The following CRY1 variants were observed in gnomAD, a reference collection of about 807,000 sequenced individuals.
CRY1 encodes cryptochrome-1.
A neutral mutation model predicts 76.0 loss-of-function variants in CRY1; 45 were observed. That is an observed-to-expected ratio of 0.59 (90% confidence interval 0.47 to 0.76). The LOEUF (loss-of-function observed/expected upper bound fraction) is 0.76, where lower values mean the gene tolerates loss of function less well. Ranked by LOEUF, CRY1 falls within the 30% of genes least tolerant of loss-of-function variation. The pLI is 0.00. For missense variants in CRY1, 587 were observed against 716.4 expected (o/e 0.82, Z 2.06); for synonymous variants, 248 against 244.0 (o/e 1.02, Z -0.15).
intron 1 of CRY1, among the ~76,000 whole-genome samples, chr12:107,082,354 A>G (rs1021081533): frequency 6.6e-6 from 1 of 152,152 alleles, no homozygotes; most frequent in South Asian, 2.1e-4. Context: ...GACCTAGTAG[A>G]CATCTACAGA....
At chr12:107,004,993 T>C in intron 3 of CRY1, 113 bp downstream of exon 3, 1 of 926,120 alleles carries the variant, frequency 1.1e-6, no homozygotes, top group South Asian at 2.1e-5. Context: ...AAACCTCAGT[T>C]AAAAACTTAT....
chr12:107,020,794 T>C (rs1952547758), intron 2 of CRY1, among the ~76,000 whole-genome samples: 2 of 152,084 alleles, frequency 1.3e-5, no homozygotes, highest in African/African-American at 4.8e-5. Context: ...CAGTAATAAA[T>C]AGGAAGGGAT....
At chr12:107,005,084 T>G (rs778676992) in intron 3 of CRY1, 22 bp downstream of exon 3, 1 of 1,446,424 alleles carries the variant, frequency 6.9e-7, no homozygotes, top group Non-Finnish European at 9.4e-7. Flanking sequence ...TTTCCCACAG[T>G]AAAAAAAAAA....
rs1358673065 is a variant in CRY1 at position 107,009,604 on chromosome 12, A to ATC, written c.268-4357_268-4356insGA. Among the ~76,000 whole-genome samples, 29 of 29,434 alleles carry ATC rather than the reference A, an allele frequency of 9.9e-4. No homozygotes were observed. In the East Asian group the frequency reaches 0.14, roughly 147 times the overall value. 19.3% of individuals were successfully genotyped at this position (29,434 alleles called of 152,430 possible). A position where few individuals can be genotyped will look rare whatever the true frequency, so the allele number is the denominator to read the frequency against. On this transcript the variant is annotated intron_variant, in intron 2 of 12. Coordinates refer to ENST00000008527, the MANE Select transcript of CRY1 (RefSeq NM_004075.5). ...TATATATATATATATATATATATAA[A>ATC]ATCTCTATATCTCCAGGTTCACGGT...
chr12:107,037,581 T>C (rs1952749739), intron 1 of CRY1, among the ~76,000 whole-genome samples: 1 of 152,096 alleles, frequency 6.6e-6, no homozygotes, highest in Non-Finnish European at 1.5e-5. Flanking sequence ...GTCAATCACA[T>C]GTGTCCGTGT....
At chr12:106,996,846 C>T (rs1021270646) in intron 10 of CRY1, among the ~76,000 whole-genome samples, 9 of 152,118 alleles carry the variant, frequency 5.9e-5, no homozygotes, top group Admixed American at 2.0e-4. Context: ...TACTACAGAC[C>T]AGACTTTATA....
chr12:107,030,901 C>A (rs1409272055), intron 1 of CRY1, among the ~76,000 whole-genome samples: 1 of 152,012 alleles, frequency 6.6e-6, no homozygotes, highest in African/African-American at 2.4e-5. Flanking sequence ...AGTATGTATG[C>A]TTAAATCACA....
Position 107,035,707 on chromosome 12 carries a change from T to A in CRY1, c.159-13515A>T, listed in dbSNP as rs192601348. Among the ~76,000 whole-genome samples, 271 of 152,310 alleles carry A rather than the reference T, an allele frequency of 1.8e-3. 1 individual carries two copies. Among genetic ancestry groups the A allele is most frequent in the Admixed American group, 2.7e-3 (42 of 15,294 alleles). ...ATACAGTATTTCAGTGCTGATAATT[T>A]TTATGGAGAAAACTAAAATAGAGTA... On this transcript the variant is annotated intron_variant, in intron 1 of 12. Transcript: ENST00000008527.
At chr12:107,089,503 C>CT (rs77964218) in intron 1 of CRY1, among the ~76,000 whole-genome samples, 19 of 147,308 alleles carry the variant, frequency 1.3e-4, no homozygotes, top group Admixed American at 4.8e-4. Flanking sequence ...CTCTGCCAAA[C>CT]TTTTTTTTTT....
chr12:107,014,136 T>C (rs1250959809), intron 2 of CRY1, among the ~76,000 whole-genome samples: 1 of 152,138 alleles, frequency 6.6e-6, no homozygotes, highest in Non-Finnish European at 1.5e-5. Context: ...ACACACAACC[T>C]TCCCTGTAAA....
intron 1 of CRY1, among the ~76,000 whole-genome samples, chr12:107,024,251 C>A (rs1036113844): frequency 9.9e-5 from 15 of 152,090 alleles, no homozygotes; most frequent in African/African-American, 3.6e-4. Flanking sequence ...CAAAACAATT[C>A]TATGTGGTGC....
intron 1 of CRY1, among the ~76,000 whole-genome samples, chr12:107,031,370 CTTT>C (rs1190940981): frequency 8.2e-5 from 11 of 134,848 alleles, no homozygotes; most frequent in Admixed American, 7.5e-5. Flanking sequence ...AGACATAAAT[CTTT>C]TTTTTTTTTT....
At chr12:107,084,064 T>A (rs182727081) in intron 1 of CRY1, among the ~76,000 whole-genome samples, 4 of 152,158 alleles carry the variant, frequency 2.6e-5, no homozygotes, top group Non-Finnish European at 5.9e-5. Context: ...AAGTCACGAA[T>A]GAACTCCCAT....
chr12:107,072,938 A>T (rs1181490633), intron 1 of CRY1: 1 of 152,098 alleles, frequency 6.6e-6, no homozygotes, highest in Admixed American at 6.6e-5. Context: ...TACTTACCTC[A>T]CTGAATTGGA....
chr12:107,043,708 C>T (rs1163048634), intron 1 of CRY1, among the ~76,000 whole-genome samples: 1 of 152,118 alleles, frequency 6.6e-6, no homozygotes, highest in Non-Finnish European at 1.5e-5. Context: ...CTGTGCTGTT[C>T]CCTGTTCCTC....
chr12:107,062,025 C>CAAAA (rs35683352), intron 1 of CRY1, among the ~76,000 whole-genome samples: 1 of 93,558 alleles, frequency 1.1e-5, no homozygotes, highest in African/African-American at 4.7e-5. Context: ...GACCCTGTCT[C>CAAAA]AAAAAAAAAA....
intron 1 of CRY1, among the ~76,000 whole-genome samples, chr12:107,076,553 T>A (rs983563212): frequency 6.6e-6 from 1 of 150,740 alleles, no homozygotes; most frequent in East Asian, 2.0e-4. Flanking sequence ...AGGCAGAGGT[T>A]GCAGTGAGCT....
chr12:107,079,920 C>T (rs1161866798), intron 1 of CRY1, among the ~76,000 whole-genome samples: 1 of 152,070 alleles, frequency 6.6e-6, no homozygotes, highest in Admixed American at 6.6e-5. Flanking sequence ...AAAAAGATCA[C>T]TCTACTTGCT....
intron 1 of CRY1, among the ~76,000 whole-genome samples, chr12:107,030,783 A>C (rs1234028810): frequency 6.9e-6 from 1 of 144,462 alleles, no homozygotes; most frequent in Admixed American, 6.8e-5. Flanking sequence ...GGGGGTGGGG[A>C]AGGGGGCAGG....
Sources: gnomAD v4.1 joint callset for allele counts (sites outside exome capture counted in the v4.1 genomes callset) on GRCh38, gnomAD v4.1.1 for gene constraint, MANE v1.5 for transcripts, NCBI Gene and HGNC (gene_info 2026-07-23, HGNC 2026-07-21) for gene names.